Variants in TSNARE1 observed in about 807,000 individuals in gnomAD.
TSNARE1 encodes t-SNARE domain containing 1, also known as t-SNARE domain-containing protein 1.
TSNARE1 carries 49 observed loss-of-function variants against 62.0 expected under a neutral mutation model. That is an observed-to-expected ratio of 0.79 (90% confidence interval 0.63 to 1.00). TSNARE1 has a LOEUF of 1.00. TSNARE1 is among the 50% of genes least tolerant of loss of function. TSNARE1 has a pLI of 0.00. For synonymous variants in TSNARE1, 328 were observed against 294.4 expected, an observed-to-expected ratio of 1.11 and a Z score of -1.17; for missense variants, 755 against 700.1, an observed-to-expected ratio of 1.08 and a Z score of -0.88.
chr8:142,314,989 C>A lies in TSNARE1; in HGVS notation c.1074+14G>T. Reference sequence around the variant, plus strand: ...CTGGCCTGCAGACCCCCACTGCCCCCACCAGCACCTCACCTTCTGCACCAC... The same window carrying A: ...CTGGCCTGCAGACCCCCACTGCCCCAACCAGCACCTCACCTTCTGCACCAC... On this transcript the variant is annotated intron_variant, in intron 8 of 13. Transcript: ENST00000524325. 6.2e-7 allele frequency: 1 copy of A among 1,613,980 alleles called. No individual in the cohort carries two copies. The highest frequency in any genetic ancestry group is 8.5e-7 in the Non-Finnish European group (1 of 1,179,834).
intron 7 of TSNARE1, 114 bp from the exon 8 acceptor site, chr8:142,315,206 G>T: frequency 9.5e-7 from 1 of 1,050,094 alleles, no homozygotes; most frequent in Non-Finnish European, 1.4e-6. Flanking sequence ...TCAGAATGGG[G>T]CTCGCCATCA....
At chr8:142,322,502 T>C (rs1829610921) in intron 6 of TSNARE1, among the ~76,000 whole-genome samples, 1 of 152,230 alleles carries the variant, frequency 6.6e-6, no homozygotes, top group African/African-American at 2.4e-5. Flanking sequence ...CATGTACATC[T>C]ATATAGAAAA....
At chr8:142,337,334 A>C (rs1355343202) in intron 4 of TSNARE1, among the ~76,000 whole-genome samples, 1 of 152,216 alleles carries the variant, frequency 6.6e-6, no homozygotes, top group East Asian at 1.9e-4. Flanking sequence ...GCAGGTAATA[A>C]TCCCCCCACA....
rs1563840790 is a variant in TSNARE1, at chr8:142,291,066, C to T, written c.1291-6581G>A. Among the ~76,000 whole-genome samples the T allele has an allele frequency of 6.6e-6, 1 of 152,098 alleles. No homozygotes were observed. Among genetic ancestry groups the T allele is most frequent in the Non-Finnish European group, 1.5e-5 (1 of 68,032 alleles). On this transcript the variant is annotated intron_variant, in intron 10 of 13. Coordinates refer to ENST00000524325, the MANE Select transcript of TSNARE1 (RefSeq NM_145003.5). The surrounding 1 kb of genome is among the most constrained non-coding windows in gnomAD (Gnocchi z 4.8). ...CGCCTGTTCCCTCCAACCTCTCCTG[C>T]CCAGGGAGATGAATTGCTGCTCGCC... is the stretch of plus-strand genomic sequence containing the variant.
chr8:142,298,113 C>G (rs1721325377), intron 10 of TSNARE1, among the ~76,000 whole-genome samples: 2 of 152,332 alleles, frequency 1.3e-5, no homozygotes, highest in Non-Finnish European at 2.9e-5. Flanking sequence ...CCCAGGCCAC[C>G]TGGGTCCTCT....
At chr8:142,226,530 C>T (rs1235682964) in intron 13 of TSNARE1, among the ~76,000 whole-genome samples, 2 of 152,126 alleles carry the variant, frequency 1.3e-5, no homozygotes, top group African/African-American at 4.8e-5. Flanking sequence ...GGAGGGGGAC[C>T]CTGGTGGCCC....
chr8:142,318,609 T>C lies in TSNARE1; in HGVS notation c.919A>G (p.Lys307Glu), dbSNP rs554278377. ...SLHTAQQETNKTIAASASSVK... is the reference protein window; with the variant it reads ...SLHTAQQETNETIAASASSVK... Reference sequence around the variant, plus strand: ...GAGCTGGCGCTGGCTGCAATGGTCTTGTTGGTCTCCTGCTGTGCCGTGTGC... The same window carrying C: ...GAGCTGGCGCTGGCTGCAATGGTCTCGTTGGTCTCCTGCTGTGCCGTGTGC... The change falls in exon 7 of 14, where the codon AAG becomes GAG. Residue 307 changes from lysine (K) to glutamate (E), a missense_variant. Lys to Glu is a moderately conservative substitution (Grantham distance 56). Transcript: ENST00000524325. The C allele has an allele frequency of 1.4e-5, 22 of 1,613,680 alleles. No individual in the cohort carries two copies. The highest frequency in any genetic ancestry group is 2.2e-5 in the South Asian group (2 of 91,058).
intron 12 of TSNARE1, chr8:142,271,292 T>G: frequency 9.3e-7 from 1 of 1,077,410 alleles, no homozygotes; most frequent in Non-Finnish European, 1.1e-6. Flanking sequence ...CTCCACGCCA[T>G]CGGCCAGACG....
In TSNARE1 at chr8:142,291,883, G is replaced by GTGAGGAA. The variant is rs1823819482; in HGVS notation, c.1291-7405_1291-7399dup. On this transcript the variant is annotated intron_variant, in intron 10 of 13. Coordinates refer to ENST00000524325, the MANE Select transcript of TSNARE1 (RefSeq NM_145003.5). This position sits in a 1 kb window ranked among gnomAD's most constrained non-coding sequence, Gnocchi z 4.8. ...TGCCCAGGGAACTGTGAGGTGTGGG[G>GTGAGGAA]TGAGGAATGAGGGAGAGGACAGTCC... Among the ~76,000 whole-genome samples the GTGAGGAA allele has an allele frequency of 6.6e-6, 1 of 152,128 alleles. No homozygotes were observed. The highest frequency in any genetic ancestry group is 1.5e-5 in the Non-Finnish European group (1 of 68,010).
At chr8:142,260,151 C>G (rs971975307) in intron 12 of TSNARE1, among the ~76,000 whole-genome samples, 1 of 152,132 alleles carries the variant, frequency 6.6e-6, no homozygotes, top group African/African-American at 2.4e-5. Flanking sequence ...CAGCCCCGAA[C>G]CCAGAGCCTG....
At chr8:142,402,427 A>C (rs1838361590) in intron 1 of TSNARE1, among the ~76,000 whole-genome samples, 1 of 152,356 alleles carries the variant, frequency 6.6e-6, no homozygotes, top group South Asian at 2.1e-4. Context: ...CCTAGGGGCT[A>C]CCACACTGGA....
intron 4 of TSNARE1, among the ~76,000 whole-genome samples, chr8:142,332,799 G>A (rs1170026317): frequency 4.0e-5 from 6 of 151,896 alleles, no homozygotes; most frequent in East Asian, 1.9e-4. Flanking sequence ...CTGCCTGCCC[G>A]CCCTCCAGCC....
chr8:142,320,719 CA>C (rs1202831265), intron 6 of TSNARE1, among the ~76,000 whole-genome samples: 1 of 152,262 alleles, frequency 6.6e-6, no homozygotes, highest in Non-Finnish European at 1.5e-5. Context: ...TGTCTGTGGT[CA>C]CGCTGCCACC....
intron 4 of TSNARE1, among the ~76,000 whole-genome samples, chr8:142,341,812 C>G (rs944096582): frequency 1.3e-5 from 2 of 152,170 alleles, no homozygotes; most frequent in Non-Finnish European, 2.9e-5. Context: ...CCGTTAATTA[C>G]CCAGTGCCCA....
chr8:142,353,348 C>T (rs571378398), intron 2 of TSNARE1, among the ~76,000 whole-genome samples: 2 of 152,124 alleles, frequency 1.3e-5, no homozygotes, highest in Admixed American at 6.5e-5. Flanking sequence ...ACACAGCAGA[C>T]GCTGTATCAA....
intron 10 of TSNARE1, among the ~76,000 whole-genome samples, chr8:142,292,275 G>C (rs1357018947): frequency 1.3e-5 from 2 of 152,208 alleles, no homozygotes; most frequent in Non-Finnish European, 1.5e-5. Flanking sequence ...CCCGTTGGAA[G>C]TTCTGACCCA....
At chr8:142,313,137 CAT>C (rs1827878509) in intron 9 of TSNARE1, among the ~76,000 whole-genome samples, 1 of 150,910 alleles carries the variant, frequency 6.6e-6, no homozygotes, top group South Asian at 2.1e-4. Flanking sequence ...CATTTATCTG[CAT>C]GTGTGTCTGC....
intron 13 of TSNARE1, among the ~76,000 whole-genome samples, chr8:142,216,921 G>A (rs984229095): frequency 6.6e-6 from 1 of 152,186 alleles, no homozygotes; most frequent in African/African-American, 2.4e-5. Context: ...GAAACAGGGA[G>A]AGGAGACGGT....
intron 9 of TSNARE1, among the ~76,000 whole-genome samples, chr8:142,308,273 C>G (rs976009685): frequency 6.6e-6 from 1 of 152,200 alleles, no homozygotes; most frequent in Non-Finnish European, 1.5e-5. Flanking sequence ...GTAAGAAATA[C>G]TTGTCCACCG....
Sources: allele counts gnomAD v4.1 joint callset (sites outside exome capture counted in the v4.1 genomes callset), GRCh38; gene constraint gnomAD v4.1.1; non-coding constraint Gnocchi (gnomAD v3.1); transcripts MANE v1.5; gene names NCBI Gene and HGNC (gene_info 2026-07-23, HGNC 2026-07-21).